Variants in CACNA2D3 observed in about 807,000 individuals in gnomAD.
The protein encoded by CACNA2D3 is calcium voltage-gated channel auxiliary subunit alpha2delta 3, also known as voltage-dependent calcium channel subunit alpha-2/delta-3.
A neutral mutation model predicts 160.6 loss-of-function variants in CACNA2D3; 60 were observed. The ratio of observed to expected loss-of-function variants is 0.37; its 90% CI spans 0.30 to 0.46. The LOEUF (loss-of-function observed/expected upper bound fraction) is 0.46, where lower values mean the gene tolerates loss of function less well. Among genes scored for constraint, CACNA2D3 ranks in the 20% least tolerant of loss-of-function variants. The pLI is 1.00. For synonymous variants in CACNA2D3, 558 were observed against 492.9 expected, an observed-to-expected ratio of 1.13 and a Z score of -1.75; for missense variants, 1,205 against 1,365.0, an observed-to-expected ratio of 0.88 and a Z score of 1.85.
chr3:54,828,564 G>A (rs1158687535), intron 14 of CACNA2D3, among the ~76,000 whole-genome samples: 2 of 152,134 alleles, frequency 1.3e-5, no homozygotes, highest in East Asian at 3.9e-4. Context: ...ATATCAAAAT[G>A]TTCCCGAATA....
chr3:54,563,659 C>T (rs1443044481), intron 6 of CACNA2D3, among the ~76,000 whole-genome samples: 1 of 152,164 alleles, frequency 6.6e-6, no homozygotes, highest in Non-Finnish European at 1.5e-5. Flanking sequence ...CTCGGGGCTG[C>T]AACTGTGCCA....
intron 2 of CACNA2D3, among the ~76,000 whole-genome samples, chr3:54,313,932 G>C (rs769241647): frequency 7.0e-6 from 1 of 143,376 alleles, no homozygotes; most frequent in African/African-American, 2.5e-5. Context: ...TTGGGGAACA[G>C]GTAGTGTTTG....
At chr3:54,405,853 C>A (rs1199430827) in intron 4 of CACNA2D3, among the ~76,000 whole-genome samples, 3 of 149,868 alleles carry the variant, frequency 2.0e-5, no homozygotes. Context: ...AACTCAATAG[C>A]AAAAAAAAAA....
intron 2 of CACNA2D3, among the ~76,000 whole-genome samples, chr3:54,240,804 C>T (rs546830773): frequency 2.2e-4 from 34 of 152,254 alleles, no homozygotes; most frequent in Admixed American, 2.2e-3. Context: ...TGCAATGGTG[C>T]GATCTCGGCT....
chr3:54,134,331 C>G (rs1457445073), intron 2 of CACNA2D3, among the ~76,000 whole-genome samples: 2 of 152,224 alleles, frequency 1.3e-5, no homozygotes, highest in East Asian at 3.9e-4. Context: ...TAAATTTCCC[C>G]AGGGCGTGCT....
chr3:54,360,563 A>C (rs1698724670), intron 3 of CACNA2D3, among the ~76,000 whole-genome samples: 1 of 152,060 alleles, frequency 6.6e-6, no homozygotes. Context: ...TTGGGCACTT[A>C]AGCTATCAAT....
chr3:54,664,871 A>G (rs1235606447), intron 11 of CACNA2D3, among the ~76,000 whole-genome samples: 1 of 152,208 alleles, frequency 6.6e-6, no homozygotes, highest in East Asian at 1.9e-4. Context: ...GTTGGTACAT[A>G]TGGGGCTTTA....
chr3:55,035,300 A>C (rs1354446869), intron 35 of CACNA2D3, among the ~76,000 whole-genome samples: 1 of 152,214 alleles, frequency 6.6e-6, no homozygotes, highest in Non-Finnish European at 1.5e-5. Flanking sequence ...TGCCGAGTTA[A>C]TTATTTCAAC....
chr3:54,806,618 G>A (rs1559588957), intron 13 of CACNA2D3, among the ~76,000 whole-genome samples: 2 of 152,152 alleles, frequency 1.3e-5, no homozygotes, highest in Admixed American at 1.3e-4. Flanking sequence ...CGTGAGAATG[G>A]CCATGCTGCC....
intron 11 of CACNA2D3, among the ~76,000 whole-genome samples, chr3:54,669,682 T>TCCTTCAGATGA (rs2106895643): frequency 6.6e-6 from 1 of 152,294 alleles, no homozygotes; most frequent in Non-Finnish European, 1.5e-5. Context: ...AAATACTGCA[T>TCCTTCAGATGA]TAGAGAAAGT....
At chr3:54,636,854 C>G (rs1408689190) in intron 10 of CACNA2D3, among the ~76,000 whole-genome samples, 3 of 151,782 alleles carry the variant, frequency 2.0e-5, no homozygotes, top group East Asian at 1.9e-4. Context: ...GTCTGTGAAG[C>G]CTTGTGGCAG....
intron 4 of CACNA2D3, among the ~76,000 whole-genome samples, chr3:54,497,957 G>A (rs1483721369): frequency 6.6e-6 from 1 of 151,432 alleles, no homozygotes; most frequent in Non-Finnish European, 1.5e-5. Flanking sequence ...TGGTCGTGAT[G>A]TATTATCCCT....
chr3:54,867,149 CAGA>C (rs1321661669), intron 17 of CACNA2D3, among the ~76,000 whole-genome samples: 4 of 152,106 alleles, frequency 2.6e-5, no homozygotes, highest in African/African-American at 7.2e-5. Flanking sequence ...ACTCCTCACG[CAGA>C]AGAAGAAGAA....
chr3:55,036,252 G>T (rs1478557606), intron 35 of CACNA2D3, among the ~76,000 whole-genome samples: 1 of 151,986 alleles, frequency 6.6e-6, no homozygotes, highest in African/African-American at 2.4e-5. Context: ...TTCGAGACCA[G>T]CCTGGCCAAC....
chr3:54,850,734 A>AG (rs1319924850), intron 17 of CACNA2D3, among the ~76,000 whole-genome samples: 2 of 152,224 alleles, frequency 1.3e-5, no homozygotes, highest in African/African-American at 4.8e-5. Flanking sequence ...AGCCTCAGGC[A>AG]GGCAAAATTT....
At chr3:54,589,969 C>T (rs1702829290) in intron 9 of CACNA2D3, among the ~76,000 whole-genome samples, 2 of 152,144 alleles carry the variant, frequency 1.3e-5, no homozygotes, top group African/African-American at 4.8e-5. Context: ...TGTAAAATAG[C>T]ACAGGCACTC....
intron 11 of CACNA2D3, among the ~76,000 whole-genome samples, chr3:54,733,467 G>C (rs978321903): frequency 1.3e-5 from 2 of 152,178 alleles, no homozygotes; most frequent in East Asian, 1.9e-4. Context: ...GGGGCCCTAG[G>C]ATTTTAATAA....
At chr3:54,725,758 T>C (rs1160365532) in intron 11 of CACNA2D3, among the ~76,000 whole-genome samples, 1 of 152,170 alleles carries the variant, frequency 6.6e-6, no homozygotes, top group Admixed American at 6.5e-5. Flanking sequence ...CAATAGAATG[T>C]ATCTCAAAAT....
chr3:54,826,303 G>A lies in CACNA2D3; in HGVS notation c.1398+9433G>A, dbSNP rs112344328. Among the ~76,000 whole-genome samples, 19 of 152,244 alleles carry A rather than the reference G, an allele frequency of 1.2e-4. 1 individual carries two copies. Among genetic ancestry groups the A allele is most frequent in the African/African-American group, 4.3e-4 (18 of 41,554 alleles). On this transcript the variant is annotated intron_variant, in intron 14 of 37. Transcript: ENST00000474759. ...GCGCTGCCAGACATCTCATGCCAAA[G>A]GATTCAACTGAAATGACCCTCTGGG...
Sources: gnomAD v4.1 joint callset for allele counts (sites outside exome capture counted in the v4.1 genomes callset) on GRCh38, gnomAD v4.1.1 for gene constraint, MANE v1.5 for transcripts, NCBI Gene and HGNC (gene_info 2026-07-23, HGNC 2026-07-21) for gene names.